Variants in WWC2 observed in about 807,000 individuals in gnomAD.
WWC2 encodes WW and C2 domain containing 2, also known as protein WWC2.
WWC2 carries 101 observed loss-of-function variants against 138.5 expected under a neutral mutation model. That is an observed-to-expected ratio of 0.73 (90% CI 0.62 to 0.86). The LOEUF is 0.86. WWC2 is among the 40% of genes least tolerant of loss of function. WWC2 has a pLI of 0.00. For synonymous variants in WWC2, 558 were observed against 538.4 expected (o/e 1.04, Z -0.50); for missense variants, 1,420 against 1,419.4 (o/e 1.00, Z -0.01).
At chr4:183,238,182 T>G (rs369573711) in intron 4 of WWC2, among the ~76,000 whole-genome samples, 30 of 152,274 alleles carry the variant, frequency 2.0e-4, no homozygotes, top group African/African-American at 7.2e-4. Flanking sequence ...TCTTCCACAT[T>G]TGGTCCTGTT....
At position 183,178,377 on chromosome 4, in the gene WWC2, C is replaced by T. The variant is rs143507835; in HGVS notation, c.132-15222C>T. 6.3e-4 allele frequency among the ~76,000 whole-genome samples: 85 copies of T among 134,600 alleles called. 1 individual carries two copies. In the Middle Eastern group the frequency reaches 0.015, roughly 24 times the overall value. The allele number at this position is 134,600 out of a possible 152,430, so 88.3% of individuals were successfully genotyped here. On this transcript the variant is annotated intron_variant, in intron 1 of 22. Coordinates refer to ENST00000403733, the MANE Select transcript of WWC2 (RefSeq NM_024949.6). ...GCTACACAGTGAGACCCTGTTTCTA[C>T]AAATAAATAAATAAATAAATAAATA...
intron 1 of WWC2, among the ~76,000 whole-genome samples, chr4:183,144,064 C>T (rs1002200868): frequency 6.6e-6 from 1 of 152,170 alleles, no homozygotes; most frequent in Non-Finnish European, 1.5e-5. Flanking sequence ...ATAATAAACT[C>T]TTCTGAGTAT....
intron 16 of WWC2, among the ~76,000 whole-genome samples, chr4:183,277,123 C>G (rs930887095): frequency 6.9e-6 from 1 of 145,436 alleles, no homozygotes; most frequent in African/African-American, 2.6e-5. Context: ...AATGCTATCC[C>G]TCCTCCCTCC....
In WWC2 at chr4:183,228,496, A is replaced by G. The variant is rs542375007; in HGVS notation, c.523-11687A>G. ...TGGGAAGCAAAAATATTTTTCAAGC[A>G]CATTTAGCACATTCAGGAAAACTGA... On this transcript the variant is annotated intron_variant, in intron 4 of 22. Transcript: ENST00000403733. Among the ~76,000 whole-genome samples the G allele has an allele frequency of 3.3e-4, 50 of 152,236 alleles. 1 individual carries two copies. Among genetic ancestry groups the G allele is most frequent in the African/African-American group, 1.1e-3 (45 of 41,476 alleles).
At chr4:183,148,246 C>T (rs1183112233) in intron 1 of WWC2, among the ~76,000 whole-genome samples, 1 of 152,046 alleles carries the variant, frequency 6.6e-6, no homozygotes, top group Non-Finnish European at 1.5e-5. Context: ...AGAAACTATC[C>T]AAGGTTTCAT....
chr4:183,209,647 C>T (rs1418941720), intron 4 of WWC2, among the ~76,000 whole-genome samples: 1 of 152,178 alleles, frequency 6.6e-6, no homozygotes, highest in African/African-American at 2.4e-5. Flanking sequence ...AGCCAAGTTG[C>T]TGTTTTGTCA....
chr4:183,294,975 T>C lies in WWC2; in HGVS notation c.3384+5340T>C, dbSNP rs138981494. Among the ~76,000 whole-genome samples the C allele has an allele frequency of 5.0e-3, 762 of 152,276 alleles. 2 individuals carry two copies. The highest frequency in any genetic ancestry group is 8.0e-3 in the Non-Finnish European group (541 of 68,010). Reference sequence around the variant, plus strand: ...AGGCAGACACATTGCTCAGAGTCTCTGAAAACTGGCAGGCAAGTAAGAGTT... The same window carrying C: ...AGGCAGACACATTGCTCAGAGTCTCCGAAAACTGGCAGGCAAGTAAGAGTT... On this transcript the variant is annotated intron_variant, in intron 21 of 22. Coordinates refer to ENST00000403733, the MANE Select transcript of WWC2 (RefSeq NM_024949.6).
intron 1 of WWC2, among the ~76,000 whole-genome samples, chr4:183,188,896 T>G (rs1353971060): frequency 6.6e-6 from 1 of 152,032 alleles, no homozygotes; most frequent in Non-Finnish European, 1.5e-5. Flanking sequence ...TCCGTCCACC[T>G]TGGCCTCCCA....
chr4:183,298,531 A>G (rs945340657), intron 21 of WWC2, among the ~76,000 whole-genome samples: 6 of 152,188 alleles, frequency 3.9e-5, no homozygotes, highest in African/African-American at 1.4e-4. Context: ...TTGTGGCTTC[A>G]CTTTCTCATT....
intron 16 of WWC2, among the ~76,000 whole-genome samples, chr4:183,276,630 G>GA (rs1737863839): frequency 6.6e-6 from 1 of 152,012 alleles, no homozygotes; most frequent in Non-Finnish European, 1.5e-5. Flanking sequence ...TCACAAGATA[G>GA]TATTATTGTT....
chr4:183,190,712 C>A (rs1173524023), intron 1 of WWC2, among the ~76,000 whole-genome samples: 1 of 152,052 alleles, frequency 6.6e-6, no homozygotes, highest in Non-Finnish European at 1.5e-5. Flanking sequence ...TTCACAAGTA[C>A]ATGTATACCT....
At chr4:183,155,463 G>T (rs1014913612) in intron 1 of WWC2, among the ~76,000 whole-genome samples, 1 of 152,142 alleles carries the variant, frequency 6.6e-6, no homozygotes, top group Non-Finnish European at 1.5e-5. Flanking sequence ...GAAGGGTTTT[G>T]CTAAAGGAGT....
rs1034628571 is a variant in WWC2, at chr4:183,243,004, C to T, written c.603-2412C>T. Among the ~76,000 whole-genome samples, 4 of 152,168 alleles carry T rather than the reference C, an allele frequency of 2.6e-5. No homozygotes were observed. The South Asian group carries it at 6.2e-4, about 24-fold the overall frequency. Reference sequence around the variant, plus strand: ...GGAGGCAAAAGAAAAAGAGCAGAAACGTTCCATGGTGAAAGCTGAGCTGTG... The same window carrying T: ...GGAGGCAAAAGAAAAAGAGCAGAAATGTTCCATGGTGAAAGCTGAGCTGTG... On this transcript the variant is annotated intron_variant, in intron 5 of 22. Coordinates refer to ENST00000403733, the MANE Select transcript of WWC2 (RefSeq NM_024949.6).
rs527461221 is a variant in WWC2, at chr4:183,252,863, C to G, written c.954-894C>G. Among the ~76,000 whole-genome samples, 40 of 152,176 alleles carry G rather than the reference C, an allele frequency of 2.6e-4. No individual in the cohort carries two copies. The South Asian group carries it at 7.0e-3, about 27-fold the overall frequency. On this transcript the variant is annotated intron_variant, in intron 8 of 22. Transcript: ENST00000403733. ...CCCCTTCTCTTTGGCAATGGGGGAG[C>G]CTTGATGGATCAACCCCTGACTCCC...
chr4:183,139,065 A>G (rs1457289936), intron 1 of WWC2, among the ~76,000 whole-genome samples: 1 of 152,184 alleles, frequency 6.6e-6, no homozygotes, highest in Non-Finnish European at 1.5e-5. Context: ...TATCAGTAAC[A>G]TATTACTGAT....
At chr4:183,309,208 G>C (rs1173443839) in intron 21 of WWC2, among the ~76,000 whole-genome samples, 2 of 152,096 alleles carry the variant, frequency 1.3e-5, no homozygotes, top group African/African-American at 4.8e-5. Context: ...CAACATCAGA[G>C]GCATGATCCA....
chr4:183,162,807 G>T (rs1733999881), intron 1 of WWC2, among the ~76,000 whole-genome samples: 1 of 152,110 alleles, frequency 6.6e-6, no homozygotes, highest in African/African-American at 2.4e-5. Flanking sequence ...TAGGTTAGTG[G>T]TTATTTGGTT....
chr4:183,127,469 G>A (rs6848858), intron 1 of WWC2, among the ~76,000 whole-genome samples: 4,716 of 152,222 alleles, frequency 0.031, 87 homozygotes, highest in Non-Finnish European at 0.037. Flanking sequence ...TGAAACAGTG[G>A]TTATCAAGGA....
At chr4:183,135,050 G>T (rs1733067345) in intron 1 of WWC2, among the ~76,000 whole-genome samples, 1 of 151,690 alleles carries the variant, frequency 6.6e-6, no homozygotes, top group Admixed American at 6.6e-5. Context: ...TCCTGCCTCA[G>T]CTCCCGAGTA....
Sources: allele counts gnomAD v4.1 joint callset (sites outside exome capture counted in the v4.1 genomes callset), GRCh38; gene constraint gnomAD v4.1.1; transcripts MANE v1.5; gene names NCBI Gene and HGNC (gene_info 2026-07-23, HGNC 2026-07-21).